RAD18: variants seen among roughly 807,000 people sequenced by gnomAD.
RAD18 encodes the protein E3 ubiquitin-protein ligase RAD18.
A neutral mutation model predicts 60.4 loss-of-function variants in RAD18; 47 were observed. That is an observed-to-expected ratio of 0.78 (90% confidence interval 0.62 to 0.99). The LOEUF is 0.99. Among genes scored for constraint, RAD18 ranks in the 50% least tolerant of loss-of-function variants. RAD18 has a pLI of 0.00. For synonymous variants in RAD18, 225 were observed against 195.5 expected (o/e 1.15, Z -1.26); for missense variants, 640 against 593.3 (o/e 1.08, Z -0.82).
intron 2 of RAD18, among the ~76,000 whole-genome samples, chr3:8,954,928 C>A (rs1355698550): frequency 6.6e-6 from 1 of 152,054 alleles, no homozygotes; most frequent in African/African-American, 2.4e-5. Flanking sequence ...CTACTGAATA[C>A]TGAGACTTCA....
intron 7 of RAD18, among the ~76,000 whole-genome samples, chr3:8,935,213 C>T (rs1276176597): frequency 6.6e-6 from 1 of 152,124 alleles, no homozygotes; most frequent in Non-Finnish European, 1.5e-5. Flanking sequence ...ATGTTATTCT[C>T]CAAGTTTTTA....
At chr3:8,952,769 G>A (rs1940947190) in intron 2 of RAD18, among the ~76,000 whole-genome samples, 1 of 152,148 alleles carries the variant, frequency 6.6e-6, no homozygotes, top group African/African-American at 2.4e-5. Flanking sequence ...CATTTGACAA[G>A]AAGAAAAATG....
intron 7 of RAD18, among the ~76,000 whole-genome samples, chr3:8,917,097 G>A (rs1940214455): frequency 6.6e-6 from 1 of 152,044 alleles, no homozygotes; most frequent in Admixed American, 6.5e-5. Context: ...ATTATATAAA[G>A]AAAAATCAAG....
chr3:8,925,446 G>A (rs1940416363), intron 7 of RAD18, among the ~76,000 whole-genome samples: 1 of 152,094 alleles, frequency 6.6e-6, no homozygotes, highest in South Asian at 2.1e-4. Flanking sequence ...AAAAGTCCAG[G>A]ACCAGACAGA....
At chr3:8,908,396 G>A (rs1940049821) in intron 9 of RAD18, among the ~76,000 whole-genome samples, 1 of 152,018 alleles carries the variant, frequency 6.6e-6, no homozygotes, top group African/African-American at 2.4e-5. Context: ...CAATATGACT[G>A]ATATGTTTAT....
At chr3:8,957,432 C>T (rs897336876) in intron 2 of RAD18, among the ~76,000 whole-genome samples, 1 of 152,158 alleles carries the variant, frequency 6.6e-6, no homozygotes, top group Admixed American at 6.5e-5. Context: ...TACAAAGCCA[C>T]AGTAATCAAG....
At chr3:8,933,905 C>T (rs1297838024) in intron 7 of RAD18, among the ~76,000 whole-genome samples, 1 of 152,174 alleles carries the variant, frequency 6.6e-6, no homozygotes, top group East Asian at 1.9e-4. Flanking sequence ...ATAAATTACT[C>T]ATAAAGTACT....
Position 8,921,117 on chromosome 3 carries a change from A to C in RAD18, c.890-7397T>G, listed in dbSNP as rs543703523. ...AATATGTGTGTAATTATATGGACACATACACACATTCACAGAAAAAGAGAG... is the reference window on the plus strand; with the variant it reads ...AATATGTGTGTAATTATATGGACACCTACACACATTCACAGAAAAAGAGAG... On this transcript the variant is annotated intron_variant, in intron 7 of 12. Transcript: ENST00000264926. Among the ~76,000 whole-genome samples, 5 of 152,358 alleles carry C rather than the reference A, an allele frequency of 3.3e-5. No homozygotes were observed. The South Asian group carries it at 6.2e-4, about 19-fold the overall frequency.
At chr3:8,960,055 C>G (rs893520012) in intron 1 of RAD18, among the ~76,000 whole-genome samples, 2 of 152,106 alleles carry the variant, frequency 1.3e-5, no homozygotes, top group African/African-American at 4.8e-5. Context: ...GCTCTGTAAT[C>G]CTAGCACTTT....
chr3:8,890,408 C>A lies in RAD18; in HGVS notation c.1366G>T (p.Ala456Ser), dbSNP rs1337703413. The change falls in exon 12 of 13, where the codon GCC becomes TCC. Residue 456 changes from alanine (A) to serine (S), a missense_variant. By Grantham distance (99) the Ala-to-Ser change is moderately conservative (BLOSUM62 1). Transcript: ENST00000264926. ...IIRDLLEEEE[A>S]WEASHKNDLQ... ...ACTCACTTATGTGATGCTTCCCAGG[C>A]TTCCTCTTCTTCTAAAAGATCTCTT... 1 of 1,594,350 alleles carries A rather than the reference C, an allele frequency of 6.3e-7. No homozygotes were observed. Among genetic ancestry groups the A allele is most frequent in the African/African-American group, 1.3e-5 (1 of 74,420 alleles).
chr3:8,950,024 T>C (rs927171456), intron 2 of RAD18, among the ~76,000 whole-genome samples: 1 of 151,984 alleles, frequency 6.6e-6, no homozygotes, highest in Non-Finnish European at 1.5e-5. Context: ...CTGTTTTTTT[T>C]GTTTTGTTTT....
intron 10 of RAD18, among the ~76,000 whole-genome samples, chr3:8,900,481 G>A (rs1939889674): frequency 6.6e-6 from 1 of 152,166 alleles, no homozygotes; most frequent in South Asian, 2.1e-4. Context: ...TACACTTCTA[G>A]AAGATATATT....
intron 2 of RAD18, among the ~76,000 whole-genome samples, chr3:8,953,231 T>C (rs1438617705): frequency 6.6e-6 from 1 of 150,768 alleles, no homozygotes; most frequent in Non-Finnish European, 1.5e-5. Flanking sequence ...ATTATATATG[T>C]AATTGTACCT....
intron 7 of RAD18, among the ~76,000 whole-genome samples, chr3:8,918,022 AGAG>A (rs1485530083): frequency 3.3e-5 from 5 of 152,222 alleles, no homozygotes; most frequent in African/African-American, 1.2e-4. Flanking sequence ...TCAGGGATAA[AGAG>A]TGAAATTAGG....
At chr3:8,963,224 G>C (rs1227414601) in intron 1 of RAD18, 111 bp downstream of exon 1, 3 of 1,249,506 alleles carry the variant, frequency 2.4e-6, no homozygotes, top group Admixed American at 5.1e-5. Flanking sequence ...CCCGGGCCCA[G>C]TGCGACGCTC....
intron 2 of RAD18, among the ~76,000 whole-genome samples, chr3:8,955,105 G>A (rs1395598251): frequency 3.3e-5 from 5 of 152,238 alleles, no homozygotes; most frequent in South Asian, 2.1e-4. Context: ...CTTACATTGC[G>A]GGGGCTACTT....
At chr3:8,929,643 AT>A (rs71049758) in intron 7 of RAD18, among the ~76,000 whole-genome samples, 110,632 of 142,060 alleles carry the variant, frequency 0.78, 43,033 homozygotes, top group South Asian at 0.89. Flanking sequence ...ACTGGAATTA[AT>A]TTTTTTTTTT....
chr3:8,960,005 G>A (rs1438205093), intron 1 of RAD18, among the ~76,000 whole-genome samples: 1 of 152,126 alleles, frequency 6.6e-6, no homozygotes, highest in Non-Finnish European at 1.5e-5. Context: ...TTAAAAGGAA[G>A]AGGTGAGTAA....
intron 8 of RAD18, 118 bp from the exon 9 acceptor site, chr3:8,912,490 T>C (rs2125054953): frequency 1.5e-6 from 1 of 676,766 alleles, no homozygotes; most frequent in East Asian, 3.0e-5. Context: ...TGATCTCTCA[T>C]CTGTTTTATA....
Sources: allele counts gnomAD v4.1 joint callset (sites outside exome capture counted in the v4.1 genomes callset), GRCh38; gene constraint gnomAD v4.1.1; transcripts MANE v1.5; gene names NCBI Gene and HGNC (gene_info 2026-07-23, HGNC 2026-07-21).